The following SLC35A3 variants were observed in gnomAD, a reference collection of about 807,000 sequenced individuals.
SLC35A3 encodes the protein UDP-N-acetylglucosamine transporter.
SLC35A3 carries 26 observed loss-of-function variants against 39.0 expected under a neutral mutation model. The observed-to-expected ratio is 0.67, with a 90% CI of 0.49 to 0.92. The LOEUF (loss-of-function observed/expected upper bound fraction) is 0.92, where lower values mean the gene tolerates loss of function less well. Among genes scored for constraint, SLC35A3 ranks in the 40% least tolerant of loss-of-function variants. The pLI, the probability that SLC35A3 is intolerant of heterozygous loss-of-function variation, is 0.00. For synonymous variants in SLC35A3, 135 were observed against 133.1 expected (o/e 1.01, Z -0.10); for missense variants, 299 against 371.6 (o/e 0.80, Z 1.61).
chr1:100,014,216 TTTTA>T (rs547786721), intron 5 of SLC35A3, among the ~76,000 whole-genome samples: 1 of 152,120 alleles, frequency 6.6e-6, no homozygotes, highest in Admixed American at 6.6e-5. Flanking sequence ...AAAACAAAAC[TTTTA>T]TTTATTTATT....
rs1351826520 is a variant in SLC35A3, at chr1:100,030,723, T to G, written c.*8247T>G. 1 of 152,246 alleles carries G rather than the reference T, an allele frequency of 6.6e-6. No individual in the cohort carries two copies. The highest frequency in any genetic ancestry group is 1.9e-4 in the East Asian group (1 of 5,204). The allele number at this position is 152,246 out of a possible 1,614,324, so 9.4% of individuals were successfully genotyped here. ...ATACTGCATGTACAAACATGATTTC[T>G]AATAATTGAGGGTTTATTAAGTTTT... On this transcript the variant is annotated 3_prime_UTR_variant, in exon 8 of 8. Coordinates refer to ENST00000533028, the MANE Select transcript of SLC35A3 (RefSeq NM_012243.3).
rs746629699 is a variant in SLC35A3, at chr1:100,022,486, A to G, written c.*10A>G. ...TCCCACTAAAGCATAGTTGTATACT[A>G]TCTTTAACTGGTTTTTCACGATGGG... On this transcript the variant is annotated 3_prime_UTR_variant, in exon 8 of 8. Coordinates refer to ENST00000533028, the MANE Select transcript of SLC35A3 (RefSeq NM_012243.3). The G allele has an allele frequency of 8.9e-6, 13 of 1,461,348 alleles. No homozygotes were observed. The African/African-American group carries it at 1.4e-4, about 16-fold the overall frequency. The allele number at this position is 1,461,348 out of a possible 1,614,324, so 90.5% of individuals were successfully genotyped here. A position where few individuals can be genotyped will look rare whatever the true frequency, so the allele number is the denominator to read the frequency against.
intron 1 of SLC35A3, among the ~76,000 whole-genome samples, chr1:99,977,564 A>AAGGGAGGG (rs1006288756): frequency 2.9e-5 from 3 of 104,084 alleles, no homozygotes; most frequent in Non-Finnish European, 5.4e-5. Flanking sequence ...GGAAGGGAGG[A>AAGGGAGGG]AGGGAGGGAG....
chr1:100,022,269 G>C (rs112939623), intron 7 of SLC35A3, 117 bp from the exon 8 acceptor site: 1 of 573,818 alleles, frequency 1.7e-6, no homozygotes, highest in Admixed American at 3.4e-5. Context: ...TTTGTTAGCC[G>C]TGTTACTGGA....
intron 6 of SLC35A3, 72 bp from the exon 7 acceptor site, chr1:100,017,610 A>G (rs922922626): frequency 1.1e-5 from 10 of 942,114 alleles, no homozygotes; most frequent in Non-Finnish European, 1.5e-5. Context: ...TTAAAGCTTT[A>G]TTAAATACTG....
intron 2 of SLC35A3, among the ~76,000 whole-genome samples, chr1:99,995,902 C>T (rs1330841224): frequency 6.6e-6 from 1 of 152,154 alleles, no homozygotes; most frequent in East Asian, 1.9e-4. Context: ...TAAATGGAAA[C>T]GTAATAGCCA....
At position 100,031,651 on chromosome 1, in the gene SLC35A3, T is replaced by G. The variant is rs1661252116; in HGVS notation, c.*9175T>G. Reference sequence around the variant, plus strand: ...AATAACTGTGTTTTCCATCTGCATTTGGCTGAAAAAAAATCTGCATATAAG... The same window carrying G: ...AATAACTGTGTTTTCCATCTGCATTGGGCTGAAAAAAAATCTGCATATAAG... On this transcript the variant is annotated 3_prime_UTR_variant, in exon 8 of 8. Transcript: ENST00000533028. 1 of 152,166 alleles carries G rather than the reference T, an allele frequency of 6.6e-6. No homozygotes were observed. The highest frequency in any genetic ancestry group is 1.5e-5 in the Non-Finnish European group (1 of 68,040). 9.4% of individuals were successfully genotyped at this position (152,166 alleles called of 1,614,324 possible). A position where few individuals can be genotyped will look rare whatever the true frequency, so the allele number is the denominator to read the frequency against.
At chr1:99,993,841 C>A in intron 2 of SLC35A3, 100 bp downstream of exon 2, 1 of 1,002,760 alleles carries the variant, frequency 1.0e-6, no homozygotes, top group Non-Finnish European at 1.5e-6. Context: ...GTCGAATGGC[C>A]TAGTATGAAG....
chr1:100,010,034 C>T (rs959528916), intron 4 of SLC35A3, among the ~76,000 whole-genome samples: 5 of 152,150 alleles, frequency 3.3e-5, no homozygotes, highest in African/African-American at 1.2e-4. Flanking sequence ...CCATATGTAG[C>T]TATTTAAATT....
At chr1:100,006,967 A>G (rs2101307712) in intron 3 of SLC35A3, 67 bp from the exon 4 acceptor site, 2 of 1,490,742 alleles carry the variant, frequency 1.3e-6, no homozygotes, top group East Asian at 2.4e-5. Flanking sequence ...TACATTTCTA[A>G]TAGTACTCTT....
chr1:100,007,485 C>A (rs1040577025), intron 4 of SLC35A3: 3 of 171,278 alleles, frequency 1.8e-5, no homozygotes, highest in South Asian at 3.1e-4. Flanking sequence ...TATTTTCTAT[C>A]GGCTTCACAA....
chr1:99,980,437 A>G (rs567134465), intron 1 of SLC35A3, among the ~76,000 whole-genome samples: 2 of 152,324 alleles, frequency 1.3e-5, no homozygotes, highest in South Asian at 2.1e-4. Flanking sequence ...TTCCAAATCA[A>G]TGCATTTCTG....
chr1:100,033,910 T>C lies in SLC35A3; in HGVS notation c.*11434T>C, dbSNP rs1247496048. The C allele has an allele frequency of 2.0e-5, 3 of 152,220 alleles. No individual in the cohort carries two copies. Among genetic ancestry groups the C allele is most frequent in the Non-Finnish European group, 4.4e-5 (3 of 68,040 alleles). 9.4% of individuals were successfully genotyped at this position (152,220 alleles called of 1,614,324 possible). ...TCAACTTTTGGCTGGATGAAGCTCT[T>C]CTGTAGAGTATTCAAGGAGGGCTTG... is the stretch of plus-strand genomic sequence containing the variant. On this transcript the variant is annotated 3_prime_UTR_variant, in exon 8 of 8. Coordinates refer to ENST00000533028, the MANE Select transcript of SLC35A3 (RefSeq NM_012243.3).
intron 1 of SLC35A3, among the ~76,000 whole-genome samples, chr1:99,988,950 G>A (rs1322635615): frequency 1.3e-5 from 2 of 151,622 alleles, no homozygotes; most frequent in Admixed American, 6.6e-5. Context: ...TTGTAGAGAC[G>A]GGATCTCAAT....
chr1:100,012,503 A>G (rs977543912), intron 5 of SLC35A3, among the ~76,000 whole-genome samples: 3 of 152,236 alleles, frequency 2.0e-5, no homozygotes, highest in Admixed American at 2.0e-4. Context: ...ATAATTACCT[A>G]TCACAATTCA....
In SLC35A3 at chr1:100,027,955, TTTTTTTTTTTTTG is replaced by T. The variant is rs1661007198; in HGVS notation, c.*5480_*5492del. ...GATAATACTACCTTTTTTTTTTTTT[TTTTTTTTTTTTTG>T]AGATGGTGTCTCGCTCTGTCACCTA... On this transcript the variant is annotated 3_prime_UTR_variant, in exon 8 of 8. Transcript: ENST00000533028. The T allele has an allele frequency of 7.1e-6, 1 of 141,240 alleles. No individual in the cohort carries two copies. Among genetic ancestry groups the T allele is most frequent in the African/African-American group, 2.7e-5 (1 of 37,596 alleles). The allele number at this position is 141,240 out of a possible 1,614,324, so 8.7% of individuals were successfully genotyped here.
chr1:100,014,621 G>A (rs1368875809), intron 5 of SLC35A3, among the ~76,000 whole-genome samples: 2 of 152,176 alleles, frequency 1.3e-5, no homozygotes, highest in African/African-American at 4.8e-5. Flanking sequence ...TCTAGCAAGA[G>A]GAAGATGGAA....
At chr1:100,014,325 A>G (rs185008448) in intron 5 of SLC35A3, among the ~76,000 whole-genome samples, 14 of 152,260 alleles carry the variant, frequency 9.2e-5, no homozygotes, top group African/African-American at 3.4e-4. Flanking sequence ...GGCTCAAGTG[A>G]TTGTCCCTCC....
intron 2 of SLC35A3, among the ~76,000 whole-genome samples, chr1:99,994,321 T>G (rs1356565037): frequency 6.6e-6 from 1 of 152,152 alleles, no homozygotes; most frequent in African/African-American, 2.4e-5. Flanking sequence ...TGTACAACAG[T>G]GTAAATTTTT....
Sources: allele counts gnomAD v4.1 joint callset (sites outside exome capture counted in the v4.1 genomes callset), GRCh38; gene constraint gnomAD v4.1.1; transcripts MANE v1.5; gene names NCBI Gene and HGNC (gene_info 2026-07-23, HGNC 2026-07-21).